NFIA: variants seen among roughly 807,000 people sequenced by gnomAD.
NFIA encodes nuclear factor 1 A-type.
A neutral mutation model predicts 62.8 loss-of-function variants in NFIA; 8 were observed. The observed-to-expected ratio is 0.13, with a 90% CI of 0.07 to 0.23. NFIA has a LOEUF of 0.23. Among genes scored for constraint, NFIA ranks in the 10% least tolerant of loss-of-function variants. The pLI is 1.00. For synonymous variants in NFIA, 235 were observed against 238.1 expected, an observed-to-expected ratio of 0.99 and a Z score of 0.12; for missense variants, 410 against 642.1, an observed-to-expected ratio of 0.64 and a Z score of 3.91.
chr1:61,385,398 G>C (rs894526829), intron 7 of NFIA, among the ~76,000 whole-genome samples: 7 of 152,160 alleles, frequency 4.6e-5, no homozygotes, highest in African/African-American at 1.4e-4. Context: ...AGCTGGGTAG[G>C]CTCCCTCTTT....
intron 3 of NFIA, among the ~76,000 whole-genome samples, chr1:61,321,439 G>A (rs1181193758): frequency 6.6e-6 from 1 of 151,840 alleles, no homozygotes; most frequent in Admixed American, 6.6e-5. Flanking sequence ...GGAAGGAAAG[G>A]AAGGGAAGGA....
chr1:61,388,367 T>C (rs1172015313), intron 7 of NFIA, among the ~76,000 whole-genome samples: 1 of 152,194 alleles, frequency 6.6e-6, no homozygotes, highest in Non-Finnish European at 1.5e-5. Context: ...TTCATGATAA[T>C]TGAAAAAAGA....
At chr1:61,118,013 A>G (rs1057138733) in intron 2 of NFIA, among the ~76,000 whole-genome samples, 1 of 151,856 alleles carries the variant, frequency 6.6e-6, no homozygotes, top group South Asian at 2.1e-4. Flanking sequence ...GTGAAACCCC[A>G]TCTCTACTAA....
At chr1:61,259,460 A>G (rs932057235) in intron 2 of NFIA, among the ~76,000 whole-genome samples, 1 of 152,200 alleles carries the variant, frequency 6.6e-6, no homozygotes, top group African/African-American at 2.4e-5. Context: ...TCAAGGGCTT[A>G]TAACTTGTTG....
At chr1:61,397,258 A>G (rs532083895) in intron 7 of NFIA, among the ~76,000 whole-genome samples, 43 of 152,296 alleles carry the variant, frequency 2.8e-4, no homozygotes, top group African/African-American at 9.6e-4. Flanking sequence ...TTAGATATCT[A>G]TGGTATCTAT....
intron 3 of NFIA, among the ~76,000 whole-genome samples, chr1:61,317,702 C>T (rs1016451059): frequency 2.0e-5 from 3 of 152,022 alleles, no homozygotes; most frequent in Admixed American, 6.6e-5. Context: ...AGAATACTTG[C>T]ATTATTTAAC....
At chr1:61,303,437 A>G (rs927910636) in intron 3 of NFIA, among the ~76,000 whole-genome samples, 1 of 152,232 alleles carries the variant, frequency 6.6e-6, no homozygotes, top group African/African-American at 2.4e-5. Context: ...AGAAAGAGGA[A>G]TAGGGAGTCC....
chr1:61,335,693 T>G (rs1344409841), intron 4 of NFIA, among the ~76,000 whole-genome samples: 2 of 151,928 alleles, frequency 1.3e-5, no homozygotes, highest in Non-Finnish European at 2.9e-5. Context: ...AAATACAAAA[T>G]TAGCCAGGTG....
intron 3 of NFIA, among the ~76,000 whole-genome samples, chr1:61,283,569 G>A (rs1202123510): frequency 4.1e-5 from 3 of 73,886 alleles, no homozygotes; most frequent in South Asian, 5.5e-4. Flanking sequence ...GTGACAGAAC[G>A]AGACTCTGTC....
At chr1:61,077,685 A>G (rs561984196), upstream of NFIA, 34 of 1,325,338 alleles carry the variant, frequency 2.6e-5, no homozygotes, top group African/African-American at 4.9e-4. Context: ...CGTTTTATAA[A>G]CAATGGTAGA....
intron 2 of NFIA, among the ~76,000 whole-genome samples, chr1:61,212,946 G>T (rs569856283): frequency 5.3e-5 from 8 of 152,306 alleles, no homozygotes; most frequent in Admixed American, 1.3e-4. Context: ...ACTGTGGCCT[G>T]GTCACCATTA....
intron 2 of NFIA, among the ~76,000 whole-genome samples, chr1:61,172,553 T>C (rs1402125096): frequency 6.6e-6 from 1 of 152,234 alleles, no homozygotes; most frequent in African/African-American, 2.4e-5. Context: ...CAGTCCATGT[T>C]GGATAATTCT....
At chr1:61,175,974 G>A (rs1650314757) in intron 2 of NFIA, among the ~76,000 whole-genome samples, 1 of 152,192 alleles carries the variant, frequency 6.6e-6, no homozygotes, top group Non-Finnish European at 1.5e-5. Flanking sequence ...CTATCTTTCT[G>A]CACGAGACCC....
At chr1:61,380,584 G>C (rs1268872232) in intron 6 of NFIA, among the ~76,000 whole-genome samples, 1 of 151,988 alleles carries the variant, frequency 6.6e-6, no homozygotes, top group Non-Finnish European at 1.5e-5. Context: ...AATTTCATCT[G>C]GTCAATTAAA....
intron 6 of NFIA, among the ~76,000 whole-genome samples, chr1:61,369,144 G>C (rs771959545): frequency 6.6e-6 from 1 of 152,164 alleles, no homozygotes; most frequent in Non-Finnish European, 1.5e-5. Context: ...TAATATCAGA[G>C]TCGAATCTTA....
intron 3 of NFIA, among the ~76,000 whole-genome samples, chr1:61,279,176 A>T (rs1291982349): frequency 6.6e-6 from 1 of 152,204 alleles, no homozygotes; most frequent in African/African-American, 2.4e-5. Flanking sequence ...TGGAAAAGAT[A>T]GGCAAACGGA....
At chr1:61,153,785 A>G (rs1648592917) in intron 2 of NFIA, among the ~76,000 whole-genome samples, 1 of 152,218 alleles carries the variant, frequency 6.6e-6, no homozygotes, top group Non-Finnish European at 1.5e-5. Context: ...TGCCCTGGTC[A>G]TTAGAACATC....
intron 2 of NFIA, among the ~76,000 whole-genome samples, chr1:61,144,419 T>C (rs1327660163): frequency 3.9e-5 from 6 of 152,232 alleles, no homozygotes; most frequent in African/African-American, 1.4e-4. Flanking sequence ...CGTGTGTGTG[T>C]ACATGTGAGT....
intron 2 of NFIA, among the ~76,000 whole-genome samples, chr1:61,159,791 C>T (rs1244101851): frequency 1.3e-5 from 2 of 150,534 alleles, no homozygotes; most frequent in African/African-American, 4.9e-5. Context: ...AAGCAGTTCT[C>T]CTGATTCAGC....
Sources: allele counts gnomAD v4.1 joint callset (sites outside exome capture counted in the v4.1 genomes callset), GRCh38; gene constraint gnomAD v4.1.1; transcripts MANE v1.5; gene names NCBI Gene and HGNC (gene_info 2026-07-23, HGNC 2026-07-21).